The following ADAMTSL3 variants were observed in gnomAD, a reference collection of about 807,000 sequenced individuals.
ADAMTSL3 encodes the protein ADAMTS-like protein 3.
A neutral mutation model predicts 201.7 loss-of-function variants in ADAMTSL3; 128 were observed. That is an observed-to-expected ratio of 0.63 (90% CI 0.55 to 0.73). The LOEUF (loss-of-function observed/expected upper bound fraction) is 0.73. Among genes scored for constraint, ADAMTSL3 ranks in the 30% least tolerant of loss-of-function variants. The pLI is 0.00. For missense variants in ADAMTSL3, 1,990 were observed against 2,119.6 expected (o/e 0.94, Z 1.20); for synonymous variants, 738 against 748.4 (o/e 0.99, Z 0.23).
At position 83,708,169 on chromosome 15, in the gene ADAMTSL3, G is replaced by C. The variant is rs1393527694; in HGVS notation, c.189+3661G>C. ...AGTGGCTTGAAGCCAGAGTGACAAAGTACTTATGCAATTGAGGCTGCAGCC... is the reference window on the plus strand; with the variant it reads ...AGTGGCTTGAAGCCAGAGTGACAAACTACTTATGCAATTGAGGCTGCAGCC... On this transcript the variant is annotated intron_variant, in intron 3 of 29. Coordinates refer to ENST00000286744, the MANE Select transcript of ADAMTSL3 (RefSeq NM_207517.3). Among the ~76,000 whole-genome samples, 7 of 152,188 alleles carry C rather than the reference G, an allele frequency of 4.6e-5. No individual in the cohort carries two copies. The East Asian group carries it at 1.3e-3, about 29-fold the overall frequency.
chr15:83,868,635 C>A (rs558774451), intron 8 of ADAMTSL3, among the ~76,000 whole-genome samples: 2 of 152,230 alleles, frequency 1.3e-5, no homozygotes, highest in African/African-American at 4.8e-5. Context: ...TGCTTTCTGC[C>A]TCCTAGATAG....
chr15:83,819,431 G>A (rs897460238), intron 5 of ADAMTSL3, among the ~76,000 whole-genome samples: 6 of 152,084 alleles, frequency 3.9e-5, no homozygotes, highest in African/African-American at 1.4e-4. Flanking sequence ...AAAATTGAAA[G>A]CATTTGGTTT....
chr15:83,659,036 G>A (rs969493396), intron 2 of ADAMTSL3, among the ~76,000 whole-genome samples: 3 of 152,190 alleles, frequency 2.0e-5, no homozygotes, highest in Non-Finnish European at 2.9e-5. Context: ...ATGGCTTCGT[G>A]TATATCTGAA....
At chr15:83,906,247 G>T (rs2065830242) in intron 15 of ADAMTSL3, among the ~76,000 whole-genome samples, 1 of 152,112 alleles carries the variant, frequency 6.6e-6, no homozygotes, top group Non-Finnish European at 1.5e-5. Flanking sequence ...CTTTAGAGTT[G>T]TATTGTCTGT....
intron 3 of ADAMTSL3, among the ~76,000 whole-genome samples, chr15:83,727,760 T>TA (rs1158853632): frequency 1.3e-5 from 2 of 152,004 alleles, no homozygotes; most frequent in Non-Finnish European, 2.9e-5. Flanking sequence ...AAATTTTTTT[T>TA]TAAAGACCTG....
At chr15:84,037,043 C>T in intron 29 of ADAMTSL3, 56 bp downstream of exon 29, 1 of 1,519,818 alleles carries the variant, frequency 6.6e-7, no homozygotes, top group East Asian at 2.3e-5. Flanking sequence ...GGCATCAGAT[C>T]CTGATGCTAC....
chr15:83,823,411 T>C (rs1008146573), intron 6 of ADAMTSL3, among the ~76,000 whole-genome samples: 1 of 152,172 alleles, frequency 6.6e-6, no homozygotes, highest in Middle Eastern at 3.2e-3. Context: ...ACCTTCATCC[T>C]GCTTTTCAAA....
chr15:83,708,186 G>C (rs2061879913), intron 3 of ADAMTSL3, among the ~76,000 whole-genome samples: 1 of 152,192 alleles, frequency 6.6e-6, no homozygotes, highest in Non-Finnish European at 1.5e-5. Flanking sequence ...TGCAATTGAG[G>C]CTGCAGCCTA....
intron 4 of ADAMTSL3, among the ~76,000 whole-genome samples, chr15:83,795,019 A>AT (rs2063401140): frequency 6.6e-6 from 1 of 151,800 alleles, no homozygotes; most frequent in African/African-American, 2.4e-5. Context: ...TGCCCGGCTA[A>AT]TTTTTTGTAT....
rs768965806 is a variant in ADAMTSL3 at position 84,029,882 on chromosome 15, G to T, written c.4657-1453G>T. Among the ~76,000 whole-genome samples, 17 of 152,246 alleles carry T rather than the reference G, an allele frequency of 1.1e-4. 1 individual carries two copies. The highest frequency in any genetic ancestry group is 2.1e-4 in the Non-Finnish European group (14 of 68,040). On this transcript the variant is annotated intron_variant, in intron 27 of 29. Coordinates refer to ENST00000286744, the MANE Select transcript of ADAMTSL3 (RefSeq NM_207517.3). ...CCCTGTGTCTCAGCCATGGCTAAAA[G>T]GAACCAACATACAACTCAGGCCATT... is the stretch of plus-strand genomic sequence containing the variant.
chr15:83,800,492 C>A (rs2063500042), intron 4 of ADAMTSL3, among the ~76,000 whole-genome samples: 1 of 152,056 alleles, frequency 6.6e-6, no homozygotes, highest in Non-Finnish European at 1.5e-5. Context: ...TGAGACACAG[C>A]CATAAGATAC....
intron 19 of ADAMTSL3, among the ~76,000 whole-genome samples, chr15:83,950,852 A>G (rs780159838): frequency 3.2e-4 from 49 of 152,046 alleles, no homozygotes; most frequent in Non-Finnish European, 6.0e-4. Context: ...TTAATTTTGT[A>G]TCCTGCAACT....
At chr15:83,833,814 G>A (rs2064207639) in intron 6 of ADAMTSL3, among the ~76,000 whole-genome samples, 2 of 152,302 alleles carry the variant, frequency 1.3e-5, no homozygotes, top group Admixed American at 6.5e-5. Context: ...GCTGGTGACT[G>A]TAGTGGTGAA....
At chr15:83,841,214 C>T (rs2064368421) in intron 7 of ADAMTSL3, among the ~76,000 whole-genome samples, 1 of 152,200 alleles carries the variant, frequency 6.6e-6, no homozygotes, top group Non-Finnish European at 1.5e-5. Flanking sequence ...CCAAAGTTCT[C>T]TTCAGACTTA....
chr15:83,950,735 A>G (rs988004887), intron 19 of ADAMTSL3, among the ~76,000 whole-genome samples: 1 of 151,848 alleles, frequency 6.6e-6, no homozygotes, highest in Admixed American at 6.6e-5. Context: ...GGTTAAGTTG[A>G]TTACTTGGTA....
intron 10 of ADAMTSL3, among the ~76,000 whole-genome samples, chr15:83,886,812 C>T (rs1311219765): frequency 2.6e-5 from 4 of 152,182 alleles, no homozygotes; most frequent in Non-Finnish European, 4.4e-5. Flanking sequence ...TGTCTCTCTT[C>T]TGGAATTTAG....
intron 8 of ADAMTSL3, among the ~76,000 whole-genome samples, chr15:83,863,863 T>C (rs2064919259): frequency 1.3e-5 from 2 of 152,058 alleles, no homozygotes; most frequent in South Asian, 2.1e-4. Flanking sequence ...ATTGATAGAC[T>C]GCTAGCAAGA....
At chr15:83,765,871 A>T (rs937326952) in intron 3 of ADAMTSL3, among the ~76,000 whole-genome samples, 3 of 151,228 alleles carry the variant, frequency 2.0e-5, no homozygotes, top group Admixed American at 6.6e-5. Context: ...TTTTCCCTTT[A>T]AAAAAAAAGA....
rs191204307 is a variant in ADAMTSL3, at chr15:83,740,915, C to T, written c.190-32608C>T. Among the ~76,000 whole-genome samples the T allele has an allele frequency of 5.9e-5, 9 of 152,106 alleles. No individual in the cohort carries two copies. The East Asian group carries it at 1.7e-3, about 29-fold the overall frequency. ...AAAAAATACAGAAAAACTGGGTAAA[C>T]CAATATATGTAGAAAAAATTGAAAA... On this transcript the variant is annotated intron_variant, in intron 3 of 29. Transcript: ENST00000286744.
Sources: gnomAD v4.1 joint callset for allele counts (sites outside exome capture counted in the v4.1 genomes callset) on GRCh38, gnomAD v4.1.1 for gene constraint, MANE v1.5 for transcripts, NCBI Gene and HGNC (gene_info 2026-07-23, HGNC 2026-07-21) for gene names.